FRMD4B: variants seen among roughly 807,000 people sequenced by gnomAD.
FRMD4B encodes FERM domain-containing protein 4B.
In FRMD4B, 74 loss-of-function variants were observed where a neutral mutation model predicts 141.5. The observed-to-expected ratio is 0.52, with a 90% CI of 0.43 to 0.63. The LOEUF is 0.63. Among genes scored for constraint, FRMD4B ranks in the 30% least tolerant of loss-of-function variants. The probability of loss-of-function intolerance (pLI) is 0.00; values close to 1 mark genes in which losing one functional copy is unlikely to be tolerated. For synonymous variants in FRMD4B, 506 were observed against 467.9 expected (o/e 1.08, Z -1.05); for missense variants, 1,366 against 1,253.4 (o/e 1.09, Z -1.36).
At chr3:69,317,687 G>A (rs891478961) in intron 1 of FRMD4B, among the ~76,000 whole-genome samples, 2 of 147,720 alleles carry the variant, frequency 1.4e-5, no homozygotes, top group South Asian at 4.3e-4. Context: ...CCCAGGAGGC[G>A]GAGATTGCAG....
intron 1 of FRMD4B, among the ~76,000 whole-genome samples, chr3:69,355,846 G>A (rs527982976): frequency 1.2e-4 from 18 of 152,214 alleles, no homozygotes; most frequent in South Asian, 2.1e-4. Context: ...CCAACATGGC[G>A]TAACCCCATC....
chr3:69,369,610 T>TA (rs1703768651), intron 1 of FRMD4B, among the ~76,000 whole-genome samples: 1 of 152,022 alleles, frequency 6.6e-6, no homozygotes, highest in Admixed American at 6.5e-5. Flanking sequence ...CACTAAAAAA[T>TA]AAAAAAATCT....
At chr3:69,369,920 C>T (rs544185514) in intron 1 of FRMD4B, among the ~76,000 whole-genome samples, 2 of 152,248 alleles carry the variant, frequency 1.3e-5, no homozygotes, top group South Asian at 4.2e-4. Context: ...ATGGCAGATT[C>T]CGTCATTATT....
At chr3:69,267,145 C>A (rs138975053) in intron 5 of FRMD4B, among the ~76,000 whole-genome samples, 158 of 152,102 alleles carry the variant, frequency 1.0e-3, no homozygotes, top group South Asian at 5.2e-3. Context: ...ACCATGTTCC[C>A]AGATGTTTCT....
chr3:69,317,187 GT>G (rs1342489662), intron 1 of FRMD4B, among the ~76,000 whole-genome samples: 2 of 152,122 alleles, frequency 1.3e-5, no homozygotes, highest in African/African-American at 4.8e-5. Context: ...CTATTCAACT[GT>G]AGATATCTTT....
At chr3:69,450,403 C>G (rs899264838) in intron 1 of FRMD4B, among the ~76,000 whole-genome samples, 1 of 151,884 alleles carries the variant, frequency 6.6e-6, no homozygotes, top group Non-Finnish European at 1.5e-5. Context: ...GTGGGAGGAT[C>G]GCTTGAGCTC....
At chr3:69,380,988 T>C (rs946168913) in intron 1 of FRMD4B, among the ~76,000 whole-genome samples, 1 of 152,228 alleles carries the variant, frequency 6.6e-6, no homozygotes, top group South Asian at 2.1e-4. Context: ...ACAAAACCCA[T>C]CCAGGCAAGA....
intron 1 of FRMD4B, among the ~76,000 whole-genome samples, chr3:69,499,691 C>CAGAG (rs149911069): frequency 2.0e-3 from 300 of 149,564 alleles, no homozygotes; most frequent in Non-Finnish European, 3.3e-3. Context: ...AGCAGGAAGA[C>CAGAG]AGAGAGAGAG....
chr3:69,227,713 T>G (rs1387840547), intron 7 of FRMD4B, among the ~76,000 whole-genome samples: 1 of 151,688 alleles, frequency 6.6e-6, no homozygotes, highest in Non-Finnish European at 1.5e-5. Context: ...AAAGTATTCT[T>G]AAAAAGATGG....
At chr3:69,518,066 ACTC>A (rs1283312259) in intron 1 of FRMD4B, among the ~76,000 whole-genome samples, 5 of 151,980 alleles carry the variant, frequency 3.3e-5, no homozygotes, top group Admixed American at 3.3e-4. Context: ...GCTCTGGGCT[ACTC>A]CTTTTTTAAG....
chr3:69,456,141 A>G (rs1347412519), intron 1 of FRMD4B, among the ~76,000 whole-genome samples: 1 of 151,728 alleles, frequency 6.6e-6, no homozygotes, highest in East Asian at 1.9e-4. Context: ...CCCAGAGACA[A>G]AACATCTGAA....
At chr3:69,239,629 C>T (rs2093367798) in intron 7 of FRMD4B, among the ~76,000 whole-genome samples, 1 of 152,146 alleles carries the variant, frequency 6.6e-6, no homozygotes, top group Admixed American at 6.6e-5. Context: ...TTTTATTTCT[C>T]TCCTGTTAAA....
chr3:69,200,805 T>G (rs768948133), intron 11 of FRMD4B: 13 of 575,724 alleles, frequency 2.3e-5, no homozygotes, highest in South Asian at 1.9e-4. Context: ...TACCCTAGTT[T>G]ACTCACCCTG....
chr3:69,501,162 T>C (rs1706489561), intron 1 of FRMD4B, among the ~76,000 whole-genome samples: 1 of 152,124 alleles, frequency 6.6e-6, no homozygotes, highest in South Asian at 2.1e-4. Flanking sequence ...CAGGATGGCT[T>C]TGAATACAGC....
intron 1 of FRMD4B, among the ~76,000 whole-genome samples, chr3:69,333,550 C>T (rs182778530): frequency 4.3e-4 from 65 of 152,252 alleles, no homozygotes; most frequent in African/African-American, 1.5e-3. Flanking sequence ...GCCTTAGTTG[C>T]TACAGAAATT....
At chr3:69,366,704 C>G (rs1336993023) in intron 1 of FRMD4B, among the ~76,000 whole-genome samples, 1 of 146,246 alleles carries the variant, frequency 6.8e-6, no homozygotes, top group African/African-American at 2.6e-5. Flanking sequence ...TAAAAGAGCA[C>G]AAACACGACC....
chr3:69,242,107 G>A (rs139844824), intron 7 of FRMD4B, among the ~76,000 whole-genome samples: 87 of 152,182 alleles, frequency 5.7e-4, no homozygotes, highest in African/African-American at 1.9e-3. Flanking sequence ...TAATAGTAAC[G>A]ATGGCAAATA....
chr3:69,198,983 C>T (rs2107662869), intron 11 of FRMD4B: 2 of 533,216 alleles, frequency 3.8e-6, no homozygotes, highest in South Asian at 4.4e-5. Context: ...TATTAAGATT[C>T]ACCTCGGCCG....
At chr3:69,336,799 C>T (rs905579378) in intron 1 of FRMD4B, among the ~76,000 whole-genome samples, 1 of 152,114 alleles carries the variant, frequency 6.6e-6, no homozygotes, top group Admixed American at 6.6e-5. Context: ...AAAAAATTAG[C>T]TGGGCATGGT....
Sources: allele counts gnomAD v4.1 joint callset (sites outside exome capture counted in the v4.1 genomes callset), GRCh38; gene constraint gnomAD v4.1.1; transcripts MANE v1.5; gene names NCBI Gene and HGNC (gene_info 2026-07-23, HGNC 2026-07-21).